Variants in KATNIP observed in about 807,000 individuals in gnomAD.
KATNIP encodes katanin-interacting protein.
In KATNIP, 126 loss-of-function variants were observed where a neutral mutation model predicts 174.0. That is an observed-to-expected ratio of 0.72 (90% confidence interval 0.63 to 0.84). The LOEUF is 0.84. KATNIP is among the 40% of genes least tolerant of loss of function. The pLI is 0.00. For synonymous variants in KATNIP, 810 were observed against 835.7 expected, an observed-to-expected ratio of 0.97 and a Z score of 0.53; for missense variants, 1,958 against 2,109.7, an observed-to-expected ratio of 0.93 and a Z score of 1.41.
intron 2 of KATNIP, 85 bp downstream of exon 2, chr16:27,574,041 A>G: frequency 8.3e-7 from 1 of 1,197,774 alleles, no homozygotes; most frequent in Non-Finnish European, 1.2e-6. Flanking sequence ...AAGTGTCCCT[A>G]AATATACTCT....
chr16:27,664,870 G>T (rs1227204201), intron 6 of KATNIP, among the ~76,000 whole-genome samples: 1 of 152,140 alleles, frequency 6.6e-6, no homozygotes, highest in African/African-American at 2.4e-5. Flanking sequence ...AGCAGTGTGT[G>T]CATGTGCATG....
At chr16:27,624,084 A>G (rs1247473695) in intron 3 of KATNIP, among the ~76,000 whole-genome samples, 2 of 152,220 alleles carry the variant, frequency 1.3e-5, no homozygotes, top group African/African-American at 4.8e-5. Flanking sequence ...ACAAAGGTCC[A>G]GGTGAGGCCC....
intron 1 of KATNIP, among the ~76,000 whole-genome samples, chr16:27,570,247 G>C (rs1346029647): frequency 6.6e-6 from 1 of 152,002 alleles, no homozygotes. Flanking sequence ...CCATTTTGTG[G>C]AGGAAGAAAA....
At chr16:27,645,110 G>C (rs2076919803) in intron 5 of KATNIP, among the ~76,000 whole-genome samples, 1 of 152,192 alleles carries the variant, frequency 6.6e-6, no homozygotes, top group Non-Finnish European at 1.5e-5. Flanking sequence ...AGTTTCTCTG[G>C]TTCACTACCA....
At chr16:27,572,716 AAG>A (rs998332528) in intron 1 of KATNIP, among the ~76,000 whole-genome samples, 2 of 152,184 alleles carry the variant, frequency 1.3e-5, no homozygotes, top group African/African-American at 4.8e-5. Flanking sequence ...AGGGGAGAGG[AAG>A]AGAGAGGAGG....
intron 14 of KATNIP, among the ~76,000 whole-genome samples, chr16:27,731,687 C>T (rs1321228074): frequency 6.6e-6 from 1 of 151,422 alleles, no homozygotes; most frequent in Non-Finnish European, 1.5e-5. Flanking sequence ...GGAGTGATCT[C>T]GGCCCACTGC....
chr16:27,642,194 G>T (rs1365196633), intron 5 of KATNIP, among the ~76,000 whole-genome samples: 2 of 152,202 alleles, frequency 1.3e-5, no homozygotes, highest in Non-Finnish European at 2.9e-5. Context: ...ATACTATGCA[G>T]CCATAAAAAA....
At chr16:27,712,645 G>C (rs2079626169) in intron 13 of KATNIP, among the ~76,000 whole-genome samples, 1 of 152,130 alleles carries the variant, frequency 6.6e-6, no homozygotes, top group African/African-American at 2.4e-5. Flanking sequence ...ACCCTTCTGT[G>C]CCCGCACCAT....
intron 16 of KATNIP, among the ~76,000 whole-genome samples, chr16:27,750,620 G>A (rs1164407130): frequency 6.9e-6 from 1 of 145,764 alleles, no homozygotes; most frequent in Non-Finnish European, 1.5e-5. Flanking sequence ...TTTTAGTAGA[G>A]ACAGGGTTTC....
chr16:27,583,793 C>T (rs1358871643), intron 2 of KATNIP, among the ~76,000 whole-genome samples: 1 of 152,172 alleles, frequency 6.6e-6, no homozygotes, highest in Admixed American at 6.5e-5. Flanking sequence ...TGTTGCCTCA[C>T]CTAGCTGAAA....
chr16:27,671,459 C>G (rs1173174327), intron 6 of KATNIP, among the ~76,000 whole-genome samples: 2 of 152,222 alleles, frequency 1.3e-5, no homozygotes, highest in Non-Finnish European at 2.9e-5. Context: ...ATCCGTCTCT[C>G]ATTGATAACC....
chr16:27,631,043 C>T (rs2076472134), intron 4 of KATNIP, 22 bp from the exon 5 acceptor site: 3 of 1,545,640 alleles, frequency 1.9e-6, no homozygotes, highest in Non-Finnish European at 2.6e-6. Flanking sequence ...CACCAAGTCT[C>T]CTTCCCTCGT....
At chr16:27,602,013 C>T (rs2075542783) in intron 2 of KATNIP, among the ~76,000 whole-genome samples, 1 of 152,184 alleles carries the variant, frequency 6.6e-6, no homozygotes, top group Admixed American at 6.5e-5. Context: ...GTGGCCAGTC[C>T]TGCAGGATTG....
In KATNIP at chr16:27,749,606, G is replaced by A. The variant is rs898786415; in HGVS notation, c.2646G>A (p.Thr882=). The A allele has an allele frequency of 6.5e-6, 10 of 1,532,814 alleles. No homozygotes were observed. Among genetic ancestry groups the A allele is most frequent in the South Asian group, 3.9e-5 (3 of 77,234 alleles). 95.0% of individuals were successfully genotyped at this position (1,532,814 alleles called of 1,614,324 possible). A position where few individuals can be genotyped will look rare whatever the true frequency, so the allele number is the denominator to read the frequency against. The change falls in exon 16 of 28, where the codon ACG becomes ACA. Residue 882 remains threonine (T), a synonymous_variant. Coordinates refer to ENST00000261588, the MANE Select transcript of KATNIP (RefSeq NM_015202.5). ...CAGAAGACACCTGGTCTTCCAGGAC[G>A]CCGTCACGGTCAAGGTGGCGCAGTG... ...ASREDTWSSR[T]PSRSRWRSEQ...
At chr16:27,746,175 A>G (rs2081288828) in intron 15 of KATNIP, among the ~76,000 whole-genome samples, 1 of 152,014 alleles carries the variant, frequency 6.6e-6, no homozygotes, top group African/African-American at 2.4e-5. Flanking sequence ...CTCAGGGAGA[A>G]TAGGTTAGAA....
In KATNIP at chr16:27,740,926, C is replaced by T; in HGVS notation, c.2623+6C>T. On this transcript the variant is annotated splice_donor_region_variant and intron_variant, in intron 15 of 27. Coordinates refer to ENST00000261588, the MANE Select transcript of KATNIP (RefSeq NM_015202.5). Reference sequence around the variant, plus strand: ...CGACCAGCCAGCCAGCAGAGGTAAGCTCCAAAGAGCAGCCCGACTTGGGCA... The same window carrying T: ...CGACCAGCCAGCCAGCAGAGGTAAGTTCCAAAGAGCAGCCCGACTTGGGCA... The T allele has an allele frequency of 1.9e-6, 3 of 1,582,510 alleles. No individual in the cohort carries two copies. The highest frequency in any genetic ancestry group is 2.6e-6 in the Non-Finnish European group (3 of 1,164,220).
intron 8 of KATNIP, among the ~76,000 whole-genome samples, chr16:27,681,969 C>G (rs750800020): frequency 5.3e-5 from 8 of 152,234 alleles, no homozygotes; most frequent in Non-Finnish European, 1.2e-4. Flanking sequence ...TTCAGAAACA[C>G]TCAGAATAAT....
In KATNIP at chr16:27,773,209, A is replaced by G. The variant is rs759235161; in HGVS notation, c.4309A>G (p.Asn1437Asp). The G allele has an allele frequency of 2.5e-6, 4 of 1,600,894 alleles. No individual in the cohort carries two copies. Among genetic ancestry groups the G allele is most frequent in the Admixed American group, 3.4e-5 (2 of 59,304 alleles). ...AGAAAAAATCCCCTTGTCGGAAAAC[A>G]GTATCCTTTGTAGGACAGGAGTGGG... ...RGEKIPLSENNIAAFPDSVNS... is the reference protein window; with the variant it reads ...RGEKIPLSENDIAAFPDSVNS... The change falls in exon 23 of 28, where the codon AAT (asparagine) becomes GAT (aspartate). Residue 1437 changes from asparagine (N) to aspartate (D), a missense_variant and splice_region_variant. By Grantham distance (23) the Asn-to-Asp change is conservative. Coordinates refer to ENST00000261588, the MANE Select transcript of KATNIP (RefSeq NM_015202.5).
chr16:27,682,797 T>G (rs1024831580), intron 8 of KATNIP, among the ~76,000 whole-genome samples: 10 of 152,070 alleles, frequency 6.6e-5, no homozygotes, highest in Non-Finnish European at 1.5e-4. Context: ...CTTTAAGATG[T>G]GAAGAGGTCA....
Sources: allele counts gnomAD v4.1 joint callset (sites outside exome capture counted in the v4.1 genomes callset), GRCh38; gene constraint gnomAD v4.1.1; transcripts MANE v1.5; gene names NCBI Gene and HGNC (gene_info 2026-07-23, HGNC 2026-07-21).